Variants in RGS7 observed in about 807,000 individuals in gnomAD.
RGS7 encodes the protein regulator of G-protein signaling 7.
In RGS7, 27 loss-of-function variants were observed where a neutral mutation model predicts 81.1. The ratio of observed to expected loss-of-function variants is 0.33; its 90% CI spans 0.25 to 0.46. The LOEUF is 0.46. RGS7 is among the 20% of genes least tolerant of loss of function. RGS7 has a pLI of 1.00. For synonymous variants in RGS7, 208 were observed against 207.7 expected (o/e 1.00, Z -0.01); for missense variants, 396 against 607.4 (o/e 0.65, Z 3.66).
At chr1:241,107,516 T>C (rs1172314797) in intron 2 of RGS7, among the ~76,000 whole-genome samples, 1 of 152,142 alleles carries the variant, frequency 6.6e-6, no homozygotes, top group Non-Finnish European at 1.5e-5. Context: ...TAGTAAACTA[T>C]AACTAATCAA....
At chr1:241,047,838 C>G (rs2061022669) in intron 3 of RGS7, among the ~76,000 whole-genome samples, 1 of 143,580 alleles carries the variant, frequency 7.0e-6, no homozygotes, top group African/African-American at 2.6e-5. Flanking sequence ...CTCCCAGGTT[C>G]AAGCAATTCT....
intron 2 of RGS7, among the ~76,000 whole-genome samples, chr1:241,319,195 A>C (rs1228174383): frequency 6.6e-6 from 1 of 152,198 alleles, no homozygotes. Context: ...AAAAATCTTC[A>C]TGGGGTGTCA....
intron 2 of RGS7, among the ~76,000 whole-genome samples, chr1:241,335,173 C>T (rs1352620000): frequency 6.6e-6 from 1 of 152,104 alleles, no homozygotes; most frequent in Non-Finnish European, 1.5e-5. Context: ...GAAGTTATTC[C>T]AGCACCCTAA....
At chr1:240,937,871 G>A (rs1676907081) in intron 4 of RGS7, among the ~76,000 whole-genome samples, 1 of 152,078 alleles carries the variant, frequency 6.6e-6, no homozygotes, top group Admixed American at 6.6e-5. Context: ...TCTAAATATG[G>A]AGTAGGAAGA....
At chr1:241,056,729 A>G (rs1017992190) in intron 3 of RGS7, among the ~76,000 whole-genome samples, 3 of 152,252 alleles carry the variant, frequency 2.0e-5, no homozygotes, top group African/African-American at 7.2e-5. Context: ...ATTTCAGCAC[A>G]TTAAACTGTT....
chr1:241,277,061 T>C (rs2078231137), intron 2 of RGS7, among the ~76,000 whole-genome samples: 1 of 152,210 alleles, frequency 6.6e-6, no homozygotes, highest in African/African-American at 2.4e-5. Context: ...ACTTAAAATA[T>C]ATCTTTACTT....
chr1:240,866,778 G>A (rs1258049267), intron 9 of RGS7, among the ~76,000 whole-genome samples: 2 of 152,192 alleles, frequency 1.3e-5, no homozygotes, highest in African/African-American at 4.8e-5. Flanking sequence ...AATGGAGCAG[G>A]GGAGTGTTTG....
chr1:241,130,155 G>A (rs1056313592), intron 2 of RGS7, among the ~76,000 whole-genome samples: 17 of 152,028 alleles, frequency 1.1e-4, no homozygotes, highest in African/African-American at 4.1e-4. Context: ...CATGAAAATT[G>A]TTTGGCTAAC....
chr1:241,244,129 T>C (rs948170305), intron 2 of RGS7, among the ~76,000 whole-genome samples: 3 of 152,082 alleles, frequency 2.0e-5, no homozygotes, highest in Non-Finnish European at 2.9e-5. Flanking sequence ...TGTGTGTGTG[T>C]GTGTACACAG....
chr1:241,057,931 A>G (rs2061552796), intron 3 of RGS7, among the ~76,000 whole-genome samples: 1 of 152,142 alleles, frequency 6.6e-6, no homozygotes, highest in African/African-American at 2.4e-5. Flanking sequence ...TCATGTTGTT[A>G]TAGTAGGTAG....
In RGS7 at chr1:240,932,405, A is replaced by G. The variant is rs151103302; in HGVS notation, c.334-1637T>C. On this transcript the variant is annotated intron_variant, in intron 5 of 18. Coordinates refer to ENST00000440928, the MANE Select transcript of RGS7 (RefSeq NM_001364886.1). ...CCCCAATCTCACTTGACTCCATAGGAGATGAAGCTTTGAGAATTCGATTTC... is the reference window on the plus strand; with the variant it reads ...CCCCAATCTCACTTGACTCCATAGGGGATGAAGCTTTGAGAATTCGATTTC... Among the ~76,000 whole-genome samples the G allele has an allele frequency of 3.3e-3, 507 of 152,242 alleles. 2 individuals are homozygous for G. The highest frequency in any genetic ancestry group is 0.012 in the African/African-American group (486 of 41,542).
intron 2 of RGS7, among the ~76,000 whole-genome samples, chr1:241,285,683 G>C (rs538312346): frequency 3.3e-5 from 5 of 152,310 alleles, no homozygotes; most frequent in Non-Finnish European, 7.4e-5. Flanking sequence ...TCCAGAGTCA[G>C]TGCTTTCAAA....
chr1:240,869,453 T>C (rs1664082117), intron 7 of RGS7, among the ~76,000 whole-genome samples: 1 of 152,268 alleles, frequency 6.6e-6, no homozygotes, highest in South Asian at 2.1e-4. Flanking sequence ...TTTGGATATC[T>C]TCACTATGTA....
chr1:240,933,574 C>T (rs1351028114), intron 5 of RGS7, among the ~76,000 whole-genome samples: 1 of 152,008 alleles, frequency 6.6e-6, no homozygotes, highest in Non-Finnish European at 1.5e-5. Context: ...GAACAACAAA[C>T]TCTTACAGTT....
At chr1:241,099,102 T>C (rs1450765941) in intron 2 of RGS7, among the ~76,000 whole-genome samples, 1 of 152,246 alleles carries the variant, frequency 6.6e-6, no homozygotes, top group East Asian at 1.9e-4. Context: ...AGCACATTCA[T>C]GCTTCATTAA....
intron 3 of RGS7, among the ~76,000 whole-genome samples, chr1:241,014,980 G>C (rs911872599): frequency 6.6e-6 from 1 of 152,168 alleles, no homozygotes; most frequent in Non-Finnish European, 1.5e-5. Context: ...TAGATACAGG[G>C]AAATAGCGTG....
At chr1:241,156,072 ACACG>A (rs1015918848) in intron 2 of RGS7, among the ~76,000 whole-genome samples, 8 of 140,368 alleles carry the variant, frequency 5.7e-5, no homozygotes, top group Non-Finnish European at 7.4e-5. Flanking sequence ...CTAAATTTAC[ACACG>A]CACGCACACA....
At chr1:241,151,615 A>G (rs2068762175) in intron 2 of RGS7, among the ~76,000 whole-genome samples, 1 of 148,080 alleles carries the variant, frequency 6.8e-6, no homozygotes, top group Non-Finnish European at 1.5e-5. Flanking sequence ...ACATGTGCAG[A>G]ACGTGCAGTT....
At chr1:240,872,818 C>T (rs939473263) in intron 6 of RGS7, among the ~76,000 whole-genome samples, 1 of 152,148 alleles carries the variant, frequency 6.6e-6, no homozygotes, top group Non-Finnish European at 1.5e-5. Flanking sequence ...TTGGCTCATG[C>T]CTGTAATCCC....
Sources: gnomAD v4.1 joint callset for allele counts (sites outside exome capture counted in the v4.1 genomes callset) on GRCh38, gnomAD v4.1.1 for gene constraint, MANE v1.5 for transcripts, NCBI Gene and HGNC (gene_info 2026-07-23, HGNC 2026-07-21) for gene names.